Variants in TCF12 observed in about 807,000 individuals in gnomAD.
The protein encoded by TCF12 is DNA-binding protein HTF4.
In TCF12, 45 loss-of-function variants were observed where a neutral mutation model predicts 86.0. That is an observed-to-expected ratio of 0.52 (90% CI 0.41 to 0.67). TCF12 has a LOEUF of 0.67. TCF12 is among the 30% of genes least tolerant of loss of function. The pLI, the probability that TCF12 is intolerant of heterozygous loss-of-function variation, is 0.00. For synonymous variants in TCF12, 330 were observed against 299.6 expected (o/e 1.10, Z -1.05); for missense variants, 881 against 859.9 (o/e 1.02, Z -0.31).
At chr15:57,214,379 T>G (rs2058247694) in intron 8 of TCF12, 1 of 152,224 alleles carries the variant, frequency 6.6e-6, no homozygotes, top group South Asian at 2.1e-4. Context: ...GAGATTTATT[T>G]GCTTTCTTCT....
chr15:57,127,626 A>T (rs2051767315), intron 5 of TCF12, among the ~76,000 whole-genome samples: 1 of 152,236 alleles, frequency 6.6e-6, no homozygotes, highest in South Asian at 2.1e-4. Context: ...TGTTGAGTGA[A>T]TGAGTGTGAG....
At chr15:56,995,125 G>A (rs192637019) in intron 3 of TCF12, among the ~76,000 whole-genome samples, 1,710 of 150,212 alleles carry the variant, frequency 0.011, 15 homozygotes, top group Middle Eastern at 0.028. Flanking sequence ...AAAATAAGTA[G>A]GTAGGTTAGA....
At chr15:57,036,285 T>C (rs1470028082) in intron 3 of TCF12, among the ~76,000 whole-genome samples, 1 of 151,908 alleles carries the variant, frequency 6.6e-6, no homozygotes, top group African/African-American at 2.4e-5. Context: ...GAAGAAGTCA[T>C]AGGAATGGAA....
At chr15:57,016,047 T>G (rs1392202642) in intron 3 of TCF12, among the ~76,000 whole-genome samples, 1 of 152,204 alleles carries the variant, frequency 6.6e-6, no homozygotes, top group African/African-American at 2.4e-5. Context: ...CCTAGATTAC[T>G]TGGGGGAATT....
chr15:57,175,088 A>G (rs1409703032), intron 6 of TCF12, among the ~76,000 whole-genome samples: 2 of 152,238 alleles, frequency 1.3e-5, no homozygotes, highest in Non-Finnish European at 2.9e-5. Context: ...ACTGATATAC[A>G]GGATATATAA....
At chr15:57,220,691 T>C (rs1279972892) in intron 8 of TCF12, among the ~76,000 whole-genome samples, 1 of 152,082 alleles carries the variant, frequency 6.6e-6, no homozygotes, top group Non-Finnish European at 1.5e-5. Context: ...GAGGATTTTA[T>C]ATATTCTAAA....
At chr15:57,230,004 T>C (rs1184360264) in intron 8 of TCF12, among the ~76,000 whole-genome samples, 2 of 151,976 alleles carry the variant, frequency 1.3e-5, no homozygotes, top group East Asian at 1.9e-4. Context: ...TATAGAAATA[T>C]ATGCTTGGGG....
chr15:57,187,800 C>T (rs139934458), intron 6 of TCF12, among the ~76,000 whole-genome samples: 81 of 152,128 alleles, frequency 5.3e-4, no homozygotes, highest in Non-Finnish European at 9.3e-4. Context: ...CATGGTGGTG[C>T]ACGCCTTTAA....
intron 3 of TCF12, among the ~76,000 whole-genome samples, chr15:57,062,243 A>T (rs1186247044): frequency 6.6e-6 from 1 of 152,146 alleles, no homozygotes; most frequent in Non-Finnish European, 1.5e-5. Context: ...GGCGTGAGCC[A>T]CGGTGCCCGG....
intron 3 of TCF12, among the ~76,000 whole-genome samples, chr15:56,958,661 A>AAGAG (rs768375451): frequency 1.7e-5 from 2 of 118,974 alleles, no homozygotes; most frequent in African/African-American, 5.7e-5. Flanking sequence ...GTATATGAGA[A>AAGAG]AGAGAGAGAG....
intron 7 of TCF12, among the ~76,000 whole-genome samples, chr15:57,193,493 C>G (rs959261382): frequency 8.5e-5 from 13 of 152,186 alleles, no homozygotes; most frequent in Non-Finnish European, 1.3e-4. Flanking sequence ...TACAGCAAGC[C>G]TTAGGTATTC....
chr15:56,955,093 C>T (rs998063522), intron 3 of TCF12, among the ~76,000 whole-genome samples: 1 of 152,296 alleles, frequency 6.6e-6, no homozygotes, highest in Admixed American at 6.5e-5. Context: ...TATAAAGACA[C>T]ATGCACACGT....
At chr15:57,130,956 C>T (rs1193231216) in intron 5 of TCF12, among the ~76,000 whole-genome samples, 1 of 152,150 alleles carries the variant, frequency 6.6e-6, no homozygotes, top group Non-Finnish European at 1.5e-5. Context: ...TTTTATCTGA[C>T]TCCAGAGCTC....
At chr15:56,958,069 T>G (rs2061573204) in intron 3 of TCF12, among the ~76,000 whole-genome samples, 1 of 152,120 alleles carries the variant, frequency 6.6e-6, no homozygotes. Flanking sequence ...TCTTTTAGAG[T>G]TATTCAGTCT....
At chr15:57,064,563 G>A (rs2068708282) in intron 4 of TCF12, among the ~76,000 whole-genome samples, 1 of 152,056 alleles carries the variant, frequency 6.6e-6, no homozygotes, top group Admixed American at 6.6e-5. Flanking sequence ...GGGAGGTTGA[G>A]GCAGGTGGAT....
intron 5 of TCF12, among the ~76,000 whole-genome samples, chr15:57,145,888 G>A (rs4514619): frequency 0.04 from 6,082 of 152,206 alleles, 367 homozygotes; most frequent in Admixed American, 0.17. Flanking sequence ...AAGCTTTATT[G>A]CTTATAAGAA....
intron 3 of TCF12, among the ~76,000 whole-genome samples, chr15:57,052,529 C>G (rs772728948): frequency 1.3e-5 from 2 of 150,220 alleles, no homozygotes; most frequent in Admixed American, 6.7e-5. Context: ...CCCAGCTACT[C>G]GGGAGGCTGA....
intron 3 of TCF12, among the ~76,000 whole-genome samples, chr15:56,921,540 T>G (rs1385755290): frequency 6.6e-6 from 1 of 152,068 alleles, no homozygotes; most frequent in Non-Finnish European, 1.5e-5. Flanking sequence ...AAGTATGCAT[T>G]TTTTCTTTTT....
At chr15:57,125,284 GA>G (rs1472668512) in intron 5 of TCF12, among the ~76,000 whole-genome samples, 4 of 152,214 alleles carry the variant, frequency 2.6e-5, no homozygotes, top group Non-Finnish European at 5.9e-5. Context: ...GGTAAGGTCT[GA>G]AAATAAAATG....
Sources: allele counts gnomAD v4.1 joint callset (sites outside exome capture counted in the v4.1 genomes callset), GRCh38; gene constraint gnomAD v4.1.1; transcripts MANE v1.5; gene names NCBI Gene and HGNC (gene_info 2026-07-23, HGNC 2026-07-21).